The following DCDC1 variants were observed in gnomAD, a reference collection of about 807,000 sequenced individuals.
The protein encoded by DCDC1 is doublecortin domain containing 1.
A neutral mutation model predicts 178.3 loss-of-function variants in DCDC1; 200 were observed. The observed-to-expected ratio is 1.12, with a 90% CI of 1.00 to 1.26. The LOEUF is 1.26. DCDC1 is among the 50% of genes most tolerant of loss of function. The probability of loss-of-function intolerance (pLI) is 0.00; values close to 1 mark genes in which losing one functional copy is unlikely to be tolerated. For missense variants in DCDC1, 1,983 were observed against 1,749.2 expected (o/e 1.13, Z -2.38); for synonymous variants, 690 against 604.8 (o/e 1.14, Z -2.07).
intron 36 of DCDC1, among the ~76,000 whole-genome samples, chr11:30,889,304 G>A (rs983945539): frequency 1.3e-5 from 2 of 152,240 alleles, no homozygotes; most frequent in African/African-American, 4.8e-5. Context: ...TGTTCAAAGA[G>A]TGGGTGGGAA....
At chr11:31,031,179 AAAG>A (rs1005262445) in intron 20 of DCDC1, among the ~76,000 whole-genome samples, 7 of 152,200 alleles carry the variant, frequency 4.6e-5, no homozygotes, top group African/African-American at 7.2e-5. Flanking sequence ...GAAAGGCTTA[AAAG>A]AAGTGTAGTA....
At chr11:30,901,963 T>C (rs1944707921) in intron 32 of DCDC1, among the ~76,000 whole-genome samples, 1 of 152,126 alleles carries the variant, frequency 6.6e-6, no homozygotes, top group Non-Finnish European at 1.5e-5. Flanking sequence ...TGTGTGTATA[T>C]AAATACACAA....
chr11:30,952,475 C>T lies in DCDC1; in HGVS notation c.2685G>A (p.Trp895Ter), dbSNP rs988767263. The change falls in exon 21 of 39, where the codon TGG (tryptophan) becomes TGA (stop). Residue 895 changes from tryptophan (W) to a stop codon, truncating the protein, a stop_gained. Transcript: ENST00000684477. LOFTEE classifies it high-confidence loss of function. Reference sequence around the variant, plus strand: ...TAAGTTGGCCACTGGGAAGGACAGGCCACATGTAGGTAAGCTTGTTCCATA... The same window carrying T: ...TAAGTTGGCCACTGGGAAGGACAGGTCACATGTAGGTAAGCTTGTTCCATA... ...NPLWNKLTYM[W>*]PVLPSGQLNE... 4.4e-6 allele frequency: 7 copies of T among 1,582,706 alleles called. No individual in the cohort carries two copies. The highest frequency in any genetic ancestry group is 5.1e-6 in the Non-Finnish European group (6 of 1,168,496).
chr11:31,325,427 T>A (rs887404517), intron 3 of DCDC1, among the ~76,000 whole-genome samples: 1 of 152,018 alleles, frequency 6.6e-6, no homozygotes, highest in African/African-American at 2.4e-5. Flanking sequence ...AAATGGTGAG[T>A]CATAAAATAA....
intron 20 of DCDC1, among the ~76,000 whole-genome samples, chr11:31,007,776 G>A (rs961088575): frequency 7.9e-5 from 12 of 151,828 alleles, no homozygotes; most frequent in Admixed American, 3.3e-4. Context: ...TGATTCTCGT[G>A]CCTCACCCTC....
At chr11:30,968,711 T>TTTTATATATATATATATATATATATATA (rs760434545) in intron 20 of DCDC1, among the ~76,000 whole-genome samples, 5 of 61,046 alleles carry the variant, frequency 8.2e-5, no homozygotes, top group East Asian at 3.4e-4. Context: ...ATATATCAAA[T>TTTTATATATATATATATATATATATATA]TATATATATA....
intron 20 of DCDC1, among the ~76,000 whole-genome samples, chr11:31,001,364 A>T (rs1951567992): frequency 6.6e-6 from 1 of 152,182 alleles, no homozygotes; most frequent in Non-Finnish European, 1.5e-5. Context: ...CAAAAAAAAA[A>T]TAATATGTCC....
At chr11:31,021,708 T>C (rs1478482522) in intron 20 of DCDC1, among the ~76,000 whole-genome samples, 1 of 152,158 alleles carries the variant, frequency 6.6e-6, no homozygotes, top group Non-Finnish European at 1.5e-5. Context: ...GTAAATAAAC[T>C]ACCTACTTAA....
At chr11:30,971,603 G>GTTTTTTTT (rs71060475) in intron 20 of DCDC1, among the ~76,000 whole-genome samples, 9 of 83,560 alleles carry the variant, frequency 1.1e-4, no homozygotes, top group African/African-American at 2.0e-4. Flanking sequence ...ACAGGCCTTT[G>GTTTTTTTT]TTTTTTTTTT....
chr11:30,990,157 G>A (rs375688218), intron 20 of DCDC1, among the ~76,000 whole-genome samples: 2 of 152,050 alleles, frequency 1.3e-5, no homozygotes, highest in Non-Finnish European at 2.9e-5. Flanking sequence ...GCAGCACAGA[G>A]TTGGGGTGTC....
chr11:31,350,609 T>A (rs1951021044), intron 1 of DCDC1, among the ~76,000 whole-genome samples: 1 of 152,270 alleles, frequency 6.6e-6, no homozygotes, highest in African/African-American at 2.4e-5. Flanking sequence ...AAAGATACTG[T>A]CAACATAAAC....
intron 25 of DCDC1, among the ~76,000 whole-genome samples, chr11:30,920,542 TA>T (rs1483341551): frequency 1.3e-5 from 2 of 152,198 alleles, no homozygotes; most frequent in African/African-American, 4.8e-5. Context: ...TCTAGCCTCT[TA>T]AAAATAATAA....
At chr11:31,252,531 A>G (rs906667659) in intron 8 of DCDC1, among the ~76,000 whole-genome samples, 3 of 152,048 alleles carry the variant, frequency 2.0e-5, no homozygotes, top group African/African-American at 7.2e-5. Flanking sequence ...ACTGACCTGG[A>G]AAAAAAGAGA....
chr11:31,312,031 G>C (rs1052625766), intron 3 of DCDC1, among the ~76,000 whole-genome samples: 2 of 152,026 alleles, frequency 1.3e-5, no homozygotes, highest in Non-Finnish European at 2.9e-5. Flanking sequence ...ATGATGAAAA[G>C]AGACACCTCT....
intron 20 of DCDC1, among the ~76,000 whole-genome samples, chr11:30,987,353 G>A (rs1214113367): frequency 6.6e-6 from 1 of 152,114 alleles, no homozygotes; most frequent in African/African-American, 2.4e-5. Flanking sequence ...AACCACAAAT[G>A]AAACTGAGCC....
chr11:31,255,623 C>T (rs1944369126), intron 8 of DCDC1, among the ~76,000 whole-genome samples: 1 of 152,086 alleles, frequency 6.6e-6, no homozygotes, highest in Non-Finnish European at 1.5e-5. Flanking sequence ...ATTTGTATAA[C>T]TTCTTTGGGA....
At chr11:31,069,921 C>T (rs1222628405) in intron 18 of DCDC1, among the ~76,000 whole-genome samples, 1 of 152,166 alleles carries the variant, frequency 6.6e-6, no homozygotes, top group Non-Finnish European at 1.5e-5. Context: ...ACTGCAGAAG[C>T]AAAGACCAAA....
intron 20 of DCDC1, among the ~76,000 whole-genome samples, chr11:31,049,538 A>G (rs1955097763): frequency 6.6e-6 from 1 of 152,196 alleles, no homozygotes; most frequent in Admixed American, 6.5e-5. Flanking sequence ...CTCTGGACAG[A>G]GCAGCATGAG....
Position 31,368,335 on chromosome 11 carries a change from A to G in DCDC1, c.-125+1362T>C, listed in dbSNP as rs1056496465. ...AACAAAAAACCTGGAGTACCGGAGCATATCTACCTACACAAGGAAGAACCA... is the reference window on the plus strand; with the variant it reads ...AACAAAAAACCTGGAGTACCGGAGCGTATCTACCTACACAAGGAAGAACCA... On this transcript the variant is annotated intron_variant, in intron 1 of 38. Transcript: ENST00000684477. 2.0e-5 allele frequency among the ~76,000 whole-genome samples: 3 copies of G among 152,356 alleles called. No homozygotes were observed. In the South Asian group the frequency reaches 6.2e-4, roughly 32 times the overall value.
Sources: allele counts gnomAD v4.1 joint callset (sites outside exome capture counted in the v4.1 genomes callset), GRCh38; gene constraint gnomAD v4.1.1; transcripts MANE v1.5; gene names NCBI Gene and HGNC (gene_info 2026-07-23, HGNC 2026-07-21).